The following MUC12 variants were observed in gnomAD, a reference collection of about 807,000 sequenced individuals.
MUC12 encodes mucin-12.
Under a neutral mutation model 230.8 loss-of-function variants are expected in MUC12, and 172 were observed. The ratio of observed to expected loss-of-function variants is 0.75; its 90% CI spans 0.66 to 0.85. The LOEUF is 0.85. MUC12 is among the 40% of genes least tolerant of loss of function. The pLI is 0.00. For synonymous variants in MUC12, 1,259 were observed against 2,401.9 expected, an observed-to-expected ratio of 0.52 and a Z score of 13.91; for missense variants, 3,506 against 5,920.6, an observed-to-expected ratio of 0.59 and a Z score of 13.38.
At chr7:101,016,489 A>T (rs908044120) in intron 10 of MUC12, among the ~76,000 whole-genome samples, 1 of 152,042 alleles carries the variant, frequency 6.6e-6, no homozygotes, top group African/African-American at 2.4e-5. Context: ...TATTTTTAGT[A>T]GAGACTGTAG....
chr7:101,007,248 C>T (rs549141514), intron 3 of MUC12, among the ~76,000 whole-genome samples: 12 of 152,302 alleles, frequency 7.9e-5, no homozygotes, highest in Admixed American at 2.6e-4. Flanking sequence ...CATGAGCCAT[C>T]GCGCCCAGCT....
rs1793791662 is a variant in MUC12, at chr7:101,008,559, G to T, written c.15059-75G>T. ...TCTTTCACCTTCAAGACACCCACAG[G>T]CAGAGAATGTATCAATCCTGGGGGA... On this transcript the variant is annotated intron_variant, in intron 3 of 11. Transcript: ENST00000536621. 4 of 1,471,132 alleles carry T rather than the reference G, an allele frequency of 2.7e-6. No homozygotes were observed. The African/African-American group carries it at 4.2e-5, about 15-fold the overall frequency. The allele number at this position is 1,471,132 out of a possible 1,614,324, so 91.1% of individuals were successfully genotyped here. A position where few individuals can be genotyped will look rare whatever the true frequency, so the allele number is the denominator to read the frequency against.
At position 100,992,920 on chromosome 7, in the gene MUC12, C is replaced by A; in HGVS notation, c.2357C>A (p.Ser786Tyr). 1 of 1,537,472 alleles carries A rather than the reference C, an allele frequency of 6.5e-7. No homozygotes were observed. The highest frequency in any genetic ancestry group is 8.7e-7 in the Non-Finnish European group (1 of 1,147,004). Reference protein sequence around the residue: ...ATGTIVLPARSTTSVLLGEST... With the variant: ...ATGTIVLPARYTTSVLLGEST... ...GGAACAATAGTCCTACCTGCCCGCT[C>A]CACAACCTCAGTTCTTCTTGGAGAA... The change falls in exon 2 of 12, where the codon TCC (serine) becomes TAC (tyrosine). Residue 786 changes from serine to tyrosine, a missense_variant. Transcript: ENST00000536621.
At position 100,995,454 on chromosome 7, in the gene MUC12, G is replaced by C. The variant is rs1426119240; in HGVS notation, c.4891G>C (p.Glu1631Gln). 4.6e-6 allele frequency: 7 copies of C among 1,530,406 alleles called. No homozygotes were observed. In the African/African-American group the frequency reaches 8.5e-5, roughly 19 times the overall value. The allele number at this position is 1,530,406 out of a possible 1,614,324, so 94.8% of individuals were successfully genotyped here. A position where few individuals can be genotyped will look rare whatever the true frequency, so the allele number is the denominator to read the frequency against. Residue 1631 changes from glutamate (E) to glutamine (Q), a missense_variant, in exon 2 of 12, where the codon GAA becomes CAA. Glu to Gln is a conservative substitution (Grantham distance 29, BLOSUM62 2). Coordinates refer to ENST00000536621, the MANE Select transcript of MUC12 (RefSeq NM_001164462.2). ...GSTTASSLGPESTTFHSSPGS... is the reference protein window; with the variant it reads ...GSTTASSLGPQSTTFHSSPGS... Reference sequence around the variant, plus strand: ...TACCACAGCATCATCCCTTGGTCCAGAATCTACTACTTTCCACAGCAGCCC... The same window carrying C: ...TACCACAGCATCATCCCTTGGTCCACAATCTACTACTTTCCACAGCAGCCC...
At position 100,991,614 on chromosome 7, in the gene MUC12, A is replaced by G; in HGVS notation, c.1051A>G (p.Thr351Ala). The change falls in exon 2 of 12, where the codon ACC becomes GCC. Residue 351 changes from threonine (T) to alanine (A), a missense_variant. Transcript: ENST00000536621. ...AACACCCCCACCTGCCCGCTCCGCG[A>G]CCTCAGGCCATGTTGAAGAATCTAC... Reference protein sequence around the residue: ...ATTPPPARSATSGHVEESTAY... With the variant: ...ATTPPPARSAASGHVEESTAY... 6.5e-7 allele frequency: 1 copy of G among 1,536,726 alleles called. No individual in the cohort carries two copies. The highest frequency in any genetic ancestry group is 8.7e-7 in the Non-Finnish European group (1 of 1,146,354).
At chr7:100,977,704 G>C (rs1793054248) in intron 1 of MUC12, among the ~76,000 whole-genome samples, 1 of 150,274 alleles carries the variant, frequency 6.7e-6, no homozygotes, top group Non-Finnish European at 1.5e-5. Context: ...TCGTTATTTA[G>C]AGGCTGGATT....
chr7:100,991,048 G>C lies in MUC12; in HGVS notation c.485G>C (p.Ser162Thr). Reference sequence around the variant, plus strand: ...GCCCGCACGACAAGCTCAGGCGTCAGTGAAAAATCAACCACCTCCCACAGC... The same window carrying C: ...GCCCGCACGACAAGCTCAGGCGTCACTGAAAAATCAACCACCTCCCACAGC... ...SPARTTSSGV[S>T]EKSTTSHSRP... The change falls in exon 2 of 12, where the codon AGT becomes ACT. Residue 162 changes from serine to threonine, a missense_variant. Transcript: ENST00000536621. The C allele has an allele frequency of 6.5e-7, 1 of 1,537,626 alleles. No homozygotes were observed. Among genetic ancestry groups the C allele is most frequent in the Non-Finnish European group, 8.7e-7 (1 of 1,146,894 alleles).
At chr7:100,988,763 C>G (rs1228718089) in intron 1 of MUC12, among the ~76,000 whole-genome samples, 1 of 152,116 alleles carries the variant, frequency 6.6e-6, no homozygotes, top group Admixed American at 6.6e-5. Flanking sequence ...TGTGTCCCCA[C>G]TCAAATCTCA....
chr7:101,004,849 C>T lies in MUC12; in HGVS notation c.14286C>T (p.Ile4762=). The T allele has an allele frequency of 6.5e-7, 1 of 1,537,190 alleles. No homozygotes were observed. The highest frequency in any genetic ancestry group is 8.7e-7 in the Non-Finnish European group (1 of 1,146,530). The change falls in exon 2 of 12, where the codon ATC becomes ATT. Residue 4762 remains isoleucine, a synonymous_variant. Transcript: ENST00000536621. ...CTGCCAGCATGACAAGCTCCAGCATCAGTGGAGAACCCACCAGCTTGTATA... is the reference window on the plus strand; with the variant it reads ...CTGCCAGCATGACAAGCTCCAGCATTAGTGGAGAACCCACCAGCTTGTATA... ...LSPASMTSSS[I]SGEPTSLYSQ...
chr7:101,004,553 T>A lies in MUC12; in HGVS notation c.13990T>A (p.Ser4664Thr). The A allele has an allele frequency of 6.5e-7, 1 of 1,536,522 alleles. No homozygotes were observed. Among genetic ancestry groups the A allele is most frequent in the Non-Finnish European group, 8.7e-7 (1 of 1,146,718 alleles). Residue 4664 changes from serine (S) to threonine (T), a missense_variant, in exon 2 of 12, where the codon TCA (serine) becomes ACA (threonine). By Grantham distance (58) the Ser-to-Thr change is moderately conservative. Transcript: ENST00000536621. ...TACCAGCTACCACAGCAGCCCGGGC[T>A]CAATTGCAACAACACACTTTCCTGA... ...EPTSYHSSPG[S>T]IATTHFPESS...
chr7:101,014,667 G>A (rs1371077168), intron 9 of MUC12, among the ~76,000 whole-genome samples: 4 of 151,966 alleles, frequency 2.6e-5, no homozygotes, highest in South Asian at 2.1e-4. Flanking sequence ...TAGTAGAAAC[G>A]GGGTTTCACC....
chr7:100,992,189 G>A lies in MUC12; in HGVS notation c.1626G>A (p.Met542Ile), dbSNP rs1287369492. The A allele has an allele frequency of 2.0e-6, 3 of 1,537,402 alleles. No homozygotes were observed. Among genetic ancestry groups the A allele is most frequent in the Non-Finnish European group, 2.6e-6 (3 of 1,147,000 alleles). Residue 542 changes from methionine to isoleucine, a missense_variant, in exon 2 of 12, where the codon ATG becomes ATA. Coordinates refer to ENST00000536621, the MANE Select transcript of MUC12 (RefSeq NM_001164462.2). Reference protein sequence around the residue: ...HTTAFPGSTTMPGLSQESTAS... With the variant: ...HTTAFPGSTTIPGLSQESTAS... ...CAGCATTCCCTGGCAGTACCACCAT[G>A]CCAGGCCTCAGTCAGGAATCTACAG...
Position 100,993,572 on chromosome 7 carries a change from A to T in MUC12, c.3009A>T (p.Thr1003=). 3 of 890,810 alleles carry T rather than the reference A, an allele frequency of 3.4e-6. No homozygotes were observed. Among genetic ancestry groups the T allele is most frequent in the Admixed American group, 2.6e-5 (1 of 38,152 alleles). The allele number at this position is 890,810 out of a possible 1,614,324, so 55.2% of individuals were successfully genotyped here. The change falls in exon 2 of 12, where the codon ACA becomes ACT. Residue 1003 remains threonine, a synonymous_variant. Coordinates refer to ENST00000536621, the MANE Select transcript of MUC12 (RefSeq NM_001164462.2). ...AGACCCACCCAGCCTCAACTCACAC[A>T]ACGCCTTCACCTCCTAGCACCGCAA... is the stretch of plus-strand genomic sequence containing the variant. The part of the protein sequence containing the change: ...AFQTHPASTH[T]TPSPPSTATA...
intron 1 of MUC12, among the ~76,000 whole-genome samples, chr7:100,975,677 C>G (rs1399518153): frequency 1.8e-5 from 1 of 54,436 alleles, no homozygotes; most frequent in African/African-American, 6.5e-5. Flanking sequence ...CGGGGCCCTT[C>G]CACCTGGGCT....
At chr7:100,975,706 G>A (rs1009069667) in intron 1 of MUC12, among the ~76,000 whole-genome samples, 18 of 149,342 alleles carry the variant, frequency 1.2e-4, no homozygotes, top group African/African-American at 3.9e-4. Context: ...TACAGGGAGA[G>A]GCAGCATTTG....
At chr7:100,982,946 G>C (rs1793132145) in intron 1 of MUC12, among the ~76,000 whole-genome samples, 1 of 150,682 alleles carries the variant, frequency 6.6e-6, no homozygotes, top group Non-Finnish European at 1.5e-5. Context: ...TGTTGCCCAG[G>C]TTGGTCTTGA....
rs1320000136 is a variant in MUC12, at chr7:101,004,964, C to T, written c.14401C>T (p.Pro4801Ser). 3 of 1,537,644 alleles carry T rather than the reference C, an allele frequency of 2.0e-6. No individual in the cohort carries two copies. Among genetic ancestry groups the T allele is most frequent in the South Asian group, 1.2e-5 (1 of 84,062 alleles). Residue 4801 changes from proline (P) to serine (S), a missense_variant, in exon 2 of 12, where the codon CCA becomes TCA. Transcript: ENST00000536621. The part of the protein sequence containing the change: ...SQESTTFHSK[P>S]GSTETTLSPG... ...GGAATCAACAACTTTCCACAGTAAG[C>T]CAGGCTCAACTGAGACAACACTGTC...
chr7:101,004,290 C>T lies in MUC12; in HGVS notation c.13727C>T (p.Thr4576Ile). ...TTGGGCCGTAGTGAGGAATCGACAA[C>T]AGTCCACAGCAGCCCAGTTGCAACT... ...TTLGRSEEST[T>I]VHSSPVATAT... The change falls in exon 2 of 12, where the codon ACA becomes ATA. Residue 4576 changes from threonine (T) to isoleucine (I), a missense_variant. Transcript: ENST00000536621. 5 of 925,922 alleles carry T rather than the reference C, an allele frequency of 5.4e-6. No individual in the cohort carries two copies. The highest frequency in any genetic ancestry group is 7.4e-6 in the Non-Finnish European group (5 of 677,868). The allele number at this position is 925,922 out of a possible 1,614,324, so 57.4% of individuals were successfully genotyped here.
At chr7:100,977,678 T>C (rs1793053761) in intron 1 of MUC12, among the ~76,000 whole-genome samples, 1 of 150,784 alleles carries the variant, frequency 6.6e-6, no homozygotes, top group South Asian at 2.1e-4. Context: ...TCTTCCTTTT[T>C]AAAAAAATGT....
Sources: gnomAD v4.1 joint callset for allele counts (sites outside exome capture counted in the v4.1 genomes callset) on GRCh38, gnomAD v4.1.1 for gene constraint, MANE v1.5 for transcripts, NCBI Gene and HGNC (gene_info 2026-07-23, HGNC 2026-07-21) for gene names.